OFD1: variants seen among roughly 807,000 people sequenced by gnomAD.
OFD1 encodes the protein OFD1 centriole and centriolar satellite protein.
A neutral mutation model predicts 81.4 loss-of-function variants in OFD1; 12 were observed. The ratio of observed to expected loss-of-function variants is 0.15; its 90% CI spans 0.09 to 0.24. OFD1 has a LOEUF of 0.24. Among genes scored for constraint, OFD1 ranks in the 10% least tolerant of loss-of-function variants. The pLI, the probability that OFD1 is intolerant of heterozygous loss-of-function variation, is 1.00. For synonymous variants in OFD1, 256 were observed against 263.7 expected (o/e 0.97, Z 0.28); for missense variants, 685 against 733.9 (o/e 0.93, Z 0.77).
the OFD1 span, chrX:13,715,872 GAT>G: frequency 9.7e-7 from 1 of 1,027,386 alleles, no homozygotes; most frequent in African/African-American, 1.9e-5. Context: ...AGTTGCCAGA[GAT>G]AGTTCTGATG....
chrX:13,734,137 C>A, upstream of OFD1: 1 of 511,418 alleles, frequency 2.0e-6, no homozygotes. Context: ...GGACATCTGG[C>A]AATATCTGGA....
At position 13,756,692 on chromosome X, in the gene OFD1, G is replaced by A; in HGVS notation, c.1336G>A (p.Glu446Lys). ...TTCACTACTAAAAGAAGAGAAACTG[G>A]AGCTTCTGGCACAAAATAAATTACT... The part of the protein sequence containing the change: ...DYSLLKEEKL[E>K]LLAQNKLLKQ... Residue 446 changes from glutamate to lysine, a missense_variant, in exon 13 of 23, where the codon GAG becomes AAG. Around this residue, in one of 3 missense-constraint regions of OFD1, gnomAD observed 414 missense variants for 447.2 expected, o/e 0.93. Transcript: ENST00000340096. The A allele has an allele frequency of 8.3e-7, 1 of 1,206,345 alleles. No homozygotes were observed.
Position 13,767,927 on chromosome X carries a change from T to A in OFD1, c.2758-127T>A, listed in dbSNP as rs888065461. 7 of 632,285 alleles carry A rather than the reference T, an allele frequency of 1.1e-5. No individual in the cohort carries two copies. The Admixed American group carries it at 1.8e-4, about 16-fold the overall frequency. 52.1% of individuals were successfully genotyped at this position (632,285 alleles called of 1,213,427 possible). On this transcript the variant is annotated intron_variant, in intron 20 of 22. Transcript: ENST00000340096. ...TTGATGATAGCAATGACTTCAATTTTAAAAATTAGTCCTCTGGCATACAGG... is the reference window on the plus strand; with the variant it reads ...TTGATGATAGCAATGACTTCAATTTAAAAAATTAGTCCTCTGGCATACAGG...
chrX:13,746,395 A>C lies in OFD1; in HGVS notation c.594A>C (p.Ile198=). Residue 198 remains isoleucine (I), a synonymous_variant, in exon 7 of 23, where the codon ATA becomes ATC. Transcript: ENST00000340096. Reference sequence around the variant, plus strand: ...GTATCAAGTTCGAATCTTTAGAAATAAAGCTAAATGAGTATAAGAGAGAAA... The same window carrying C: ...GTATCAAGTTCGAATCTTTAGAAATCAAGCTAAATGAGTATAAGAGAGAAA... ...PQRIKFESLE[I]KLNEYKREIE... The C allele has an allele frequency of 8.3e-7, 1 of 1,207,248 alleles. No homozygotes were observed. Among genetic ancestry groups the C allele is most frequent in the Non-Finnish European group, 1.1e-6 (1 of 891,464 alleles).
Position 13,734,762 on chromosome X carries a change from G to C in OFD1, c.-310G>C. Reference sequence around the variant, plus strand: ...GAAGTTGCCGGACTGGCTGTGAGGCGGTCCTGCCTCGCTGCCTTCAGTCCC... The same window carrying C: ...GAAGTTGCCGGACTGGCTGTGAGGCCGTCCTGCCTCGCTGCCTTCAGTCCC... On this transcript the variant is annotated 5_prime_UTR_variant, in exon 1 of 23. Coordinates refer to ENST00000340096, the MANE Select transcript of OFD1 (RefSeq NM_003611.3). 9.6e-7 allele frequency: 1 copy of C among 1,045,692 alleles called. No homozygotes were observed. Among genetic ancestry groups the C allele is most frequent in the Non-Finnish European group, 1.2e-6 (1 of 819,181 alleles). The allele number at this position is 1,045,692 out of a possible 1,213,427, so 86.2% of individuals were successfully genotyped here.
upstream of OFD1, chrX:13,734,446 A>G (rs1419527606): frequency 1.3e-5 from 3 of 231,273 alleles, no homozygotes; most frequent in Non-Finnish European, 2.3e-5. Context: ...CAGGACCAAC[A>G]TCCGCGTCAC....
upstream of OFD1, among the ~76,000 whole-genome samples, chrX:13,732,604 TG>T (rs769419659): frequency 5.3e-5 from 6 of 112,554 alleles, no homozygotes; most frequent in East Asian, 1.7e-3. Context: ...GCCAAGTATT[TG>T]CTGACTCTGG....
rs775434134 is a variant in OFD1 at position 13,741,231 on chromosome X, T to A, written c.412+2199T>A. Among the ~76,000 whole-genome samples the A allele has an allele frequency of 3.2e-4, 36 of 112,447 alleles. No homozygotes were observed. In the South Asian group the frequency reaches 0.013, roughly 41 times the overall value. Reference sequence around the variant, plus strand: ...CAGCCCTTACCAGCTTCACCTAGCATCCCAGTAAAATTTCTGGAAGCCAGA... The same window carrying A: ...CAGCCCTTACCAGCTTCACCTAGCAACCCAGTAAAATTTCTGGAAGCCAGA... On this transcript the variant is annotated intron_variant, in intron 5 of 22. Transcript: ENST00000340096.
Position 13,767,219 on chromosome X carries a change from C to A in OFD1, c.2692C>A (p.Gln898Lys). Residue 898 changes from glutamine to lysine, a missense_variant, in exon 20 of 23, where the codon CAG becomes AAG. Gln to Lys is a moderately conservative substitution (Grantham distance 53, BLOSUM62 1). This residue lies in a region of OFD1 where 259 missense variants were observed against 254.4 expected (regional missense o/e 1.02). Coordinates refer to ENST00000340096, the MANE Select transcript of OFD1 (RefSeq NM_003611.3). The stretch of plus-strand genomic sequence containing the variant: ...ACGAAGGCAGAGAGAAGAAAGAAGG[C>A]AGAGTAACCTACAAGAAGTTTTAGA... The part of the protein sequence containing the change: ...KERRQREERR[Q>K]SNLQEVLERE... The A allele has an allele frequency of 8.3e-7, 1 of 1,209,658 alleles. No homozygotes were observed. Among genetic ancestry groups the A allele is most frequent in the East Asian group, 3.0e-5 (1 of 33,844 alleles).
At chrX:13,765,895 G>A (rs1392899048) in intron 19 of OFD1, among the ~76,000 whole-genome samples, 1 of 112,231 alleles carries the variant, frequency 8.9e-6, no homozygotes, top group Non-Finnish European at 1.9e-5. Flanking sequence ...TCCTGCAAGT[G>A]AGATGCTGGA....
At position 13,769,051 on chromosome X, in the gene OFD1, C is replaced by T; in HGVS notation, c.2997-15C>T. 8.7e-7 allele frequency: 1 copy of T among 1,154,505 alleles called. No individual in the cohort carries two copies. The highest frequency in any genetic ancestry group is 1.2e-6 in the Non-Finnish European group (1 of 843,572). ...CAAATTTTTACATTTTAATTTTTATCTTTCCCTAATTTAGTTTAACAGGCT... is the reference window on the plus strand; with the variant it reads ...CAAATTTTTACATTTTAATTTTTATTTTTCCCTAATTTAGTTTAACAGGCT... On this transcript the variant is annotated splice_polypyrimidine_tract_variant and intron_variant, in intron 22 of 22. Coordinates refer to ENST00000340096, the MANE Select transcript of OFD1 (RefSeq NM_003611.3).
intron 19 of OFD1, among the ~76,000 whole-genome samples, chrX:13,766,305 G>C (rs911899190): frequency 1.4e-4 from 16 of 111,834 alleles, no homozygotes; most frequent in Admixed American, 7.6e-4. Context: ...GGCTGTTTCA[G>C]TAGTCCAGGG....
chrX:13,719,849 T>G, the OFD1 span: 1 of 1,060,880 alleles, frequency 9.4e-7, no homozygotes, highest in Non-Finnish European at 1.3e-6. Context: ...ATCATTACAA[T>G]AGCATAAAAA....
At chrX:13,732,380 CT>C (rs2046694479), upstream of OFD1, among the ~76,000 whole-genome samples, 1 of 112,045 alleles carries the variant, frequency 8.9e-6, no homozygotes, top group Admixed American at 9.4e-5. Flanking sequence ...ACAGTACTAT[CT>C]TTAAATACGA....
downstream of OFD1, chrX:13,771,388 A>T (rs760139601): frequency 0.01 from 586 of 56,986 alleles, 4 homozygotes; most frequent in Non-Finnish European, 0.013. Flanking sequence ...CTCTTAATTT[A>T]AAAAAAAAAA....
chrX:13,773,016 C>T, downstream of OFD1: 1 of 1,209,756 alleles, frequency 8.3e-7, no homozygotes. Context: ...AAGACAGTAT[C>T]ATGAGGAAGT....
intron 12 of OFD1, among the ~76,000 whole-genome samples, chrX:13,755,946 C>CTTTTTTTTTT (rs34300430): frequency 3.1e-5 from 2 of 65,096 alleles, no homozygotes; most frequent in Non-Finnish European, 5.3e-5. Context: ...CTTTCTTTCC[C>CTTTTTTTTTT]TTTTTTTTTT....
chrX:13,717,034 T>TAAAAAAAA, the OFD1 span, among the ~76,000 whole-genome samples: 15 of 37,942 alleles, frequency 4.0e-4, no homozygotes, highest in East Asian at 1.0e-3. Context: ...GATACTATGT[T>TAAAAAAAA]AAAAAAAAAA....
At chrX:13,718,478 A>G in the OFD1 span, among the ~76,000 whole-genome samples, 4 of 64,098 alleles carry the variant, frequency 6.2e-5, no homozygotes, top group Admixed American at 2.5e-4. Flanking sequence ...TTATGCAACA[A>G]AGTATTTTTA....
Sources: gnomAD v4.1 joint callset for allele counts (sites outside exome capture counted in the v4.1 genomes callset) on GRCh38, gnomAD v4.1.1 for gene constraint, gnomAD v4.1.1 regional missense constraint, MANE v1.5 for transcripts, NCBI Gene and HGNC (gene_info 2026-07-23, HGNC 2026-07-21) for gene names.